FBXL17: variants seen among roughly 807,000 people sequenced by gnomAD.
FBXL17 encodes the protein F-box/LRR-repeat protein 17.
A neutral mutation model predicts 66.2 loss-of-function variants in FBXL17; 22 were observed. The ratio of observed to expected loss-of-function variants is 0.33; its 90% CI spans 0.24 to 0.47. The LOEUF is 0.47. Among genes scored for constraint, FBXL17 ranks in the 20% least tolerant of loss-of-function variants. The probability of loss-of-function intolerance (pLI) is 1.00; values close to 1 mark genes in which losing one functional copy is unlikely to be tolerated. For synonymous variants in FBXL17, 474 were observed against 400.5 expected (o/e 1.18, Z -2.19); for missense variants, 878 against 948.2 (o/e 0.93, Z 0.97).
intron 5 of FBXL17, among the ~76,000 whole-genome samples, chr5:108,195,565 T>C (rs1459312067): frequency 2.6e-5 from 4 of 152,180 alleles, no homozygotes; most frequent in African/African-American, 9.7e-5. Context: ...CTGAGAAATT[T>C]GGGGAACCTC....
At chr5:108,053,386 T>C (rs1747558192) in intron 6 of FBXL17, among the ~76,000 whole-genome samples, 1 of 151,854 alleles carries the variant, frequency 6.6e-6, no homozygotes, top group African/African-American at 2.4e-5. Context: ...GGGCAAAGGA[T>C]ATGAACAGAC....
At chr5:107,995,184 A>T (rs1025429251) in intron 7 of FBXL17, among the ~76,000 whole-genome samples, 1 of 152,240 alleles carries the variant, frequency 6.6e-6, no homozygotes, top group Non-Finnish European at 1.5e-5. Context: ...AGAGCATTTT[A>T]ACACTGTATC....
chr5:108,146,817 C>T (rs1439312609), intron 6 of FBXL17, among the ~76,000 whole-genome samples: 1 of 152,162 alleles, frequency 6.6e-6, no homozygotes, highest in Non-Finnish European at 1.5e-5. Context: ...AAAAAGGGAT[C>T]GTGAAACCTT....
intron 1 of FBXL17, among the ~76,000 whole-genome samples, chr5:108,380,128 C>G (rs1056650975): frequency 1.3e-5 from 2 of 152,164 alleles, no homozygotes; most frequent in African/African-American, 4.8e-5. Flanking sequence ...CTACTATAAA[C>G]CGTGGCCCAC....
chr5:107,922,436 G>T lies in FBXL17; in HGVS notation c.1823-41257C>A, dbSNP rs184011912. On this transcript the variant is annotated intron_variant, in intron 7 of 8. Transcript: ENST00000542267. ...GATCTTAACTGGCTCAATCCCAGTG[G>T]GTAATGGCCCACTGGGCAGAAGACT... Among the ~76,000 whole-genome samples the T allele has an allele frequency of 2.2e-3, 342 of 152,218 alleles. 4 individuals are homozygous for T. The highest frequency in any genetic ancestry group is 0.018 in the Admixed American group (276 of 15,284).
chr5:108,197,583 C>T (rs112892625), intron 5 of FBXL17, among the ~76,000 whole-genome samples: 81 of 152,228 alleles, frequency 5.3e-4, no homozygotes, highest in African/African-American at 1.9e-3. Flanking sequence ...AAGACGAAAG[C>T]TTACCATATC....
At chr5:107,929,682 T>C (rs1012864001) in intron 7 of FBXL17, among the ~76,000 whole-genome samples, 1 of 151,962 alleles carries the variant, frequency 6.6e-6, no homozygotes, top group Non-Finnish European at 1.5e-5. Context: ...TGCTGATGTA[T>C]CCAGAGGACC....
intron 4 of FBXL17, among the ~76,000 whole-genome samples, chr5:108,296,162 T>A (rs1212346264): frequency 6.6e-6 from 1 of 151,676 alleles, no homozygotes; most frequent in African/African-American, 2.4e-5. Flanking sequence ...ACACTAAATT[T>A]TTAGGAGAAA....
chr5:108,328,848 A>G (rs985105930), intron 4 of FBXL17, among the ~76,000 whole-genome samples: 3 of 151,784 alleles, frequency 2.0e-5, no homozygotes, highest in Non-Finnish European at 4.4e-5. Flanking sequence ...CTGAAGAGAT[A>G]CTCTAACTAA....
intron 7 of FBXL17, among the ~76,000 whole-genome samples, chr5:107,956,123 C>T (rs10069962): frequency 0.072 from 10,878 of 152,056 alleles, 530 homozygotes; most frequent in South Asian, 0.13. Context: ...ATTTCTTTTT[C>T]CTTCAAGTGA....
chr5:108,055,456 A>G (rs1038455430), intron 6 of FBXL17, among the ~76,000 whole-genome samples: 2 of 151,444 alleles, frequency 1.3e-5, no homozygotes, highest in Non-Finnish European at 2.9e-5. Flanking sequence ...ACAAATACAA[A>G]AAATTAGCTG....
Position 107,941,670 on chromosome 5 carries a change from C to A in FBXL17, c.1823-60491G>T, listed in dbSNP as rs1040596974. Among the ~76,000 whole-genome samples the A allele has an allele frequency of 2.0e-5, 3 of 152,122 alleles. No homozygotes were observed. The East Asian group carries it at 5.8e-4, about 29-fold the overall frequency. On this transcript the variant is annotated intron_variant, in intron 7 of 8. Coordinates refer to ENST00000542267, the MANE Select transcript of FBXL17 (RefSeq NM_001163315.3). ...CTTGGTGACTAAGGACGGATATAAT[C>A]CTGATCCCACGTTAGAGATATAGAA...
chr5:108,000,799 G>A (rs1753692861), intron 7 of FBXL17, among the ~76,000 whole-genome samples: 1 of 152,134 alleles, frequency 6.6e-6, no homozygotes, highest in African/African-American at 2.4e-5. Flanking sequence ...TTCCGTTCTT[G>A]AAATTTTCCA....
intron 4 of FBXL17, among the ~76,000 whole-genome samples, chr5:108,277,112 A>G (rs1757514348): frequency 3.3e-5 from 5 of 152,148 alleles, no homozygotes; most frequent in Admixed American, 3.3e-4. Context: ...CTGCTTTACA[A>G]CTGACATTGC....
chr5:107,906,955 T>C (rs1168293347), intron 7 of FBXL17, among the ~76,000 whole-genome samples: 1 of 152,306 alleles, frequency 6.6e-6, no homozygotes, highest in African/African-American at 2.4e-5. Flanking sequence ...GCATGGCAAG[T>C]AATGTGATAC....
At chr5:108,114,066 T>C (rs1272061857) in intron 6 of FBXL17, among the ~76,000 whole-genome samples, 2 of 152,202 alleles carry the variant, frequency 1.3e-5, no homozygotes, top group African/African-American at 2.4e-5. Context: ...AAAAGACTTG[T>C]GGCAGTCAAC....
intron 1 of FBXL17, among the ~76,000 whole-genome samples, chr5:108,371,922 T>C (rs1198011049): frequency 6.6e-6 from 1 of 152,160 alleles, no homozygotes; most frequent in East Asian, 1.9e-4. Context: ...AGCCCACTAG[T>C]ACCAAACTCA....
At chr5:108,104,507 T>C (rs1749717428) in intron 6 of FBXL17, among the ~76,000 whole-genome samples, 1 of 152,250 alleles carries the variant, frequency 6.6e-6, no homozygotes. Context: ...ACAACACTTA[T>C]TGAGTACCTC....
At chr5:107,873,215 A>C (rs1221036058) in intron 8 of FBXL17, among the ~76,000 whole-genome samples, 1 of 152,254 alleles carries the variant, frequency 6.6e-6, no homozygotes, top group African/African-American at 2.4e-5. Context: ...GTTCAGAAGA[A>C]GCATAACCTT....
Sources: gnomAD v4.1 joint callset for allele counts (sites outside exome capture counted in the v4.1 genomes callset) on GRCh38, gnomAD v4.1.1 for gene constraint, MANE v1.5 for transcripts, NCBI Gene and HGNC (gene_info 2026-07-23, HGNC 2026-07-21) for gene names.